COL25A1: variants seen among roughly 807,000 people sequenced by gnomAD.
COL25A1 encodes collagen type XXV alpha 1 chain, also known as collagen alpha-1(XXV) chain.
COL25A1 carries 103 observed loss-of-function variants against 128.4 expected under a neutral mutation model. That is an observed-to-expected ratio of 0.80 (90% confidence interval 0.68 to 0.94). The LOEUF (loss-of-function observed/expected upper bound fraction) is 0.94, where lower values mean the gene tolerates loss of function less well. COL25A1 is among the 40% of genes least tolerant of loss of function. COL25A1 has a pLI of 0.00. For missense variants in COL25A1, 745 were observed against 840.0 expected, an observed-to-expected ratio of 0.89 and a Z score of 1.40; for synonymous variants, 279 against 277.2, an observed-to-expected ratio of 1.01 and a Z score of -0.06.
Position 109,203,702 on chromosome 4 carries a change from G to T in COL25A1, c.367+96881C>A, listed in dbSNP as rs189859079. Reference sequence around the variant, plus strand: ...ATCTTAGGGTGAAATAAATAGTAAAGGGTGCATAGAAAAGTAAGAAAATAA... The same window carrying T: ...ATCTTAGGGTGAAATAAATAGTAAATGGTGCATAGAAAAGTAAGAAAATAA... On this transcript the variant is annotated intron_variant, in intron 3 of 37. Coordinates refer to ENST00000399132, the MANE Select transcript of COL25A1 (RefSeq NM_198721.4). 3.3e-5 allele frequency among the ~76,000 whole-genome samples: 5 copies of T among 151,196 alleles called. No individual in the cohort carries two copies. The East Asian group carries it at 1.0e-3, about 31-fold the overall frequency.
At chr4:108,857,518 G>A (rs997228426) in intron 24 of COL25A1, among the ~76,000 whole-genome samples, 1 of 145,872 alleles carries the variant, frequency 6.9e-6, no homozygotes, top group Admixed American at 6.9e-5. Context: ...TATTTTACCA[G>A]AAGAAAAATA....
chr4:109,051,074 A>G (rs1359762684), intron 3 of COL25A1, among the ~76,000 whole-genome samples: 1 of 152,178 alleles, frequency 6.6e-6, no homozygotes, highest in African/African-American at 2.4e-5. Flanking sequence ...TAATTAGCCC[A>G]CAATGAGAAT....
At chr4:109,044,473 G>T (rs557264600) in intron 5 of COL25A1, among the ~76,000 whole-genome samples, 2 of 151,864 alleles carry the variant, frequency 1.3e-5, no homozygotes, top group South Asian at 4.1e-4. Context: ...TAGTTAGTTT[G>T]TTTGTTTTAC....
At chr4:108,819,841 C>G in intron 35 of COL25A1, 1 of 1,231,832 alleles carries the variant, frequency 8.1e-7, no homozygotes, top group Non-Finnish European at 1.0e-6. Context: ...AATCCAGGAG[C>G]ACCCTGTTCT....
chr4:108,898,221 C>A (rs144198162), intron 15 of COL25A1, among the ~76,000 whole-genome samples: 1 of 152,164 alleles, frequency 6.6e-6, no homozygotes, highest in East Asian at 1.9e-4. Context: ...GCTGTCCCCT[C>A]AGGAAACTGC....
intron 3 of COL25A1, among the ~76,000 whole-genome samples, chr4:109,201,712 A>G (rs1776570708): frequency 6.6e-6 from 1 of 152,220 alleles, no homozygotes; most frequent in South Asian, 2.1e-4. Context: ...TTTTCCACAG[A>G]TTATATAATT....
chr4:109,069,328 G>A (rs113230512), intron 3 of COL25A1, among the ~76,000 whole-genome samples: 4 of 151,450 alleles, frequency 2.6e-5, no homozygotes, highest in African/African-American at 9.7e-5. Context: ...TCTCTCACCT[G>A]AGCCTCCCCA....
intron 3 of COL25A1, among the ~76,000 whole-genome samples, chr4:109,278,007 T>C (rs10032342): frequency 0.19 from 28,617 of 151,738 alleles, 3,156 homozygotes; most frequent in East Asian, 0.3. Context: ...TGGTGGCACA[T>C]ACCTGTAGTC....
At chr4:109,183,120 C>A (rs1337730499) in intron 3 of COL25A1, among the ~76,000 whole-genome samples, 1 of 152,046 alleles carries the variant, frequency 6.6e-6, no homozygotes, top group African/African-American at 2.4e-5. Flanking sequence ...ATGACATTAA[C>A]CTCAGTAATA....
At chr4:109,132,474 T>C (rs1224363178) in intron 3 of COL25A1, among the ~76,000 whole-genome samples, 2 of 152,144 alleles carry the variant, frequency 1.3e-5, no homozygotes, top group Non-Finnish European at 2.9e-5. Context: ...TGACAATATA[T>C]AAGAGAATTT....
intron 13 of COL25A1, among the ~76,000 whole-genome samples, chr4:108,907,442 T>C (rs1026045548): frequency 1.3e-5 from 2 of 152,208 alleles, no homozygotes; most frequent in Admixed American, 6.5e-5. Flanking sequence ...GCTGGTTCTA[T>C]AAATTTTCAT....
intron 3 of COL25A1, among the ~76,000 whole-genome samples, chr4:109,226,546 T>C (rs1250147522): frequency 6.6e-6 from 1 of 152,108 alleles, no homozygotes; most frequent in East Asian, 1.9e-4. Context: ...GTTTCCCCTC[T>C]TTGTTAGGGG....
intron 19 of COL25A1, among the ~76,000 whole-genome samples, chr4:108,873,028 G>T (rs1375035498): frequency 6.6e-6 from 1 of 151,948 alleles, no homozygotes; most frequent in Admixed American, 6.6e-5. Flanking sequence ...GAGTAGCTTG[G>T]ACTATAGTTG....
At chr4:108,944,704 A>C (rs1484137628) in intron 8 of COL25A1, among the ~76,000 whole-genome samples, 1 of 152,136 alleles carries the variant, frequency 6.6e-6, no homozygotes, top group African/African-American at 2.4e-5. Context: ...CACAAAAAAA[A>C]AAGCCTTAAG....
intron 3 of COL25A1, among the ~76,000 whole-genome samples, chr4:109,142,857 T>C (rs950238219): frequency 6.6e-6 from 1 of 152,202 alleles, no homozygotes; most frequent in African/African-American, 2.4e-5. Flanking sequence ...CTTGACTCTT[T>C]ATCCAATTTG....
intron 5 of COL25A1, among the ~76,000 whole-genome samples, chr4:109,036,110 G>C (rs533666392): frequency 1.3e-5 from 2 of 151,846 alleles, no homozygotes; most frequent in South Asian, 4.2e-4. Context: ...GGTATTTTTA[G>C]TAGAGACAGG....
At chr4:109,240,607 C>T (rs1458390744) in intron 3 of COL25A1, among the ~76,000 whole-genome samples, 3 of 152,164 alleles carry the variant, frequency 2.0e-5, no homozygotes, top group South Asian at 2.1e-4. Context: ...TGAATTCACA[C>T]GTCCATTTAC....
chr4:109,294,112 T>A (rs1724736353), intron 3 of COL25A1, among the ~76,000 whole-genome samples: 1 of 152,100 alleles, frequency 6.6e-6, no homozygotes, highest in East Asian at 1.9e-4. Context: ...CCTCCATGAA[T>A]CTTTTTCATT....
chr4:109,257,604 ATTAG>A (rs1781165081), intron 3 of COL25A1, among the ~76,000 whole-genome samples: 1 of 152,196 alleles, frequency 6.6e-6, no homozygotes, highest in Non-Finnish European at 1.5e-5. Context: ...TAGCAACTCT[ATTAG>A]TTAGGCTGCT....
Sources: gnomAD v4.1 joint callset for allele counts (sites outside exome capture counted in the v4.1 genomes callset) on GRCh38, gnomAD v4.1.1 for gene constraint, MANE v1.5 for transcripts, NCBI Gene and HGNC (gene_info 2026-07-23, HGNC 2026-07-21) for gene names.